DLGAP2: variants seen among roughly 807,000 people sequenced by gnomAD.
DLGAP2 encodes disks large-associated protein 2.
A neutral mutation model predicts 100.3 loss-of-function variants in DLGAP2; 26 were observed. The observed-to-expected ratio is 0.26, with a 90% CI of 0.19 to 0.36. The LOEUF (loss-of-function observed/expected upper bound fraction) is 0.36. DLGAP2 is among the 10% of genes least tolerant of loss of function. The probability of loss-of-function intolerance (pLI) is 1.00; values close to 1 mark genes in which losing one functional copy is unlikely to be tolerated. For missense variants in DLGAP2, 1,858 were observed against 1,453.2 expected, an observed-to-expected ratio of 1.28 and a Z score of -4.53; for synonymous variants, 886 against 630.1, an observed-to-expected ratio of 1.41 and a Z score of -6.08.
chr8:1,522,421 G>A (rs1480457591), intron 4 of DLGAP2, among the ~76,000 whole-genome samples: 2 of 152,190 alleles, frequency 1.3e-5, no homozygotes, highest in Non-Finnish European at 2.9e-5. Context: ...GGGGCCTGGG[G>A]GACCTCCTTT....
chr8:1,336,019 T>C (rs1030954692), intron 3 of DLGAP2, among the ~76,000 whole-genome samples: 1 of 152,000 alleles, frequency 6.6e-6, no homozygotes, highest in African/African-American at 2.4e-5. Context: ...AACATCACAA[T>C]ATAAAGAAAC....
intron 2 of DLGAP2, among the ~76,000 whole-genome samples, chr8:1,088,324 CAG>C (rs1303621687): frequency 6.6e-6 from 1 of 152,082 alleles, no homozygotes; most frequent in African/African-American, 2.4e-5. Flanking sequence ...AGGTGTGGGA[CAG>C]GGCACCAAGG....
At position 1,360,212 on chromosome 8, in the gene DLGAP2, TTCCGGGGCGGGGCTTC is replaced by T. The variant is rs1486465444; in HGVS notation, c.106+101380_106+101395del. Among the ~76,000 whole-genome samples the T allele has an allele frequency of 3.5e-3, 350 of 99,414 alleles. 5 individuals are homozygous for T. Among genetic ancestry groups the T allele is most frequent in the African/African-American group, 0.011 (270 of 24,032 alleles). The allele number at this position is 99,414 out of a possible 152,430, so 65.2% of individuals were successfully genotyped here. A position where few individuals can be genotyped will look rare whatever the true frequency, so the allele number is the denominator to read the frequency against. On this transcript the variant is annotated intron_variant, in intron 3 of 14. Transcript: ENST00000637795. ...CCGGGTGTGCTCAGGGGCGGGGCTT[TTCCGGGGCGGGGCTTC>T]TCCGGGGCGGGGCTTCTCCGGGGCG... is the stretch of plus-strand genomic sequence containing the variant.
intron 6 of DLGAP2, among the ~76,000 whole-genome samples, chr8:1,577,360 G>C (rs1367372488): frequency 1.3e-5 from 2 of 152,150 alleles, no homozygotes; most frequent in Non-Finnish European, 2.9e-5. Context: ...ACTGAGGTCA[G>C]GAGTTCGAGA....
chr8:1,478,394 T>G (rs1386806157), intron 3 of DLGAP2, among the ~76,000 whole-genome samples: 1 of 152,108 alleles, frequency 6.6e-6, no homozygotes, highest in Non-Finnish European at 1.5e-5. Flanking sequence ...TTTCTCAGAG[T>G]TTCCATGACA....
At chr8:1,378,602 A>C (rs1796019980) in intron 3 of DLGAP2, among the ~76,000 whole-genome samples, 1 of 151,518 alleles carries the variant, frequency 6.6e-6, no homozygotes, top group Non-Finnish European at 1.5e-5. Context: ...TCCTGCTCAC[A>C]CCTGGCCTCA....
At chr8:961,867 A>G (rs905848258) in intron 2 of DLGAP2, among the ~76,000 whole-genome samples, 6 of 152,198 alleles carry the variant, frequency 3.9e-5, no homozygotes, top group African/African-American at 1.2e-4. Context: ...CATGATGAGT[A>G]CTGGACTCGG....
intron 1 of DLGAP2, among the ~76,000 whole-genome samples, chr8:841,276 A>C (rs1042762009): frequency 6.6e-6 from 1 of 152,196 alleles, no homozygotes; most frequent in Non-Finnish European, 1.5e-5. Context: ...TGCATGGCGC[A>C]CGTTTGGCAT....
chr8:1,604,053 C>A (rs1311137990), intron 6 of DLGAP2, among the ~76,000 whole-genome samples: 2 of 152,118 alleles, frequency 1.3e-5, no homozygotes, highest in Admixed American at 6.5e-5. Context: ...CAAGACACAG[C>A]TGGGACAGAA....
In DLGAP2 at chr8:1,387,555, C is replaced by T. The variant is rs575001574; in HGVS notation, c.107-113811C>T. ...GTTGCACGGCAGTGAGTGTATCTGA[C>T]GCCACTGAACTGCACCACTGGACGT... is the stretch of plus-strand genomic sequence containing the variant. On this transcript the variant is annotated intron_variant, in intron 3 of 14. Transcript: ENST00000637795. Among the ~76,000 whole-genome samples the T allele has an allele frequency of 1.1e-4, 17 of 152,262 alleles. No individual in the cohort carries two copies. The South Asian group carries it at 2.3e-3, about 20-fold the overall frequency.
chr8:997,996 C>G (rs1443839556), intron 2 of DLGAP2, among the ~76,000 whole-genome samples: 1 of 150,100 alleles, frequency 6.7e-6, no homozygotes, highest in Admixed American at 7.0e-5. Flanking sequence ...AACACGTGCA[C>G]ACAAACATGC....
chr8:1,163,942 G>C (rs980845602), intron 2 of DLGAP2, among the ~76,000 whole-genome samples: 1 of 152,224 alleles, frequency 6.6e-6, no homozygotes, highest in Non-Finnish European at 1.5e-5. Flanking sequence ...TCCGGGTGAG[G>C]TGGTGGAGCC....
chr8:1,424,186 A>C (rs1463218734), intron 3 of DLGAP2, among the ~76,000 whole-genome samples: 1 of 152,238 alleles, frequency 6.6e-6, no homozygotes. Context: ...ACGCAAGTTG[A>C]GAGACCTCTA....
At chr8:918,403 T>G (rs1798639513) in intron 2 of DLGAP2, among the ~76,000 whole-genome samples, 1 of 152,368 alleles carries the variant, frequency 6.6e-6, no homozygotes, top group East Asian at 1.9e-4. Context: ...GTCGCTTAGA[T>G]GGGCTTTTAT....
intron 2 of DLGAP2, among the ~76,000 whole-genome samples, chr8:1,130,392 T>C (rs1796265304): frequency 6.6e-6 from 1 of 152,196 alleles, no homozygotes; most frequent in African/African-American, 2.4e-5. Flanking sequence ...GATATGACGA[T>C]TGACATTCAA....
At position 1,042,056 on chromosome 8, in the gene DLGAP2, G is replaced by C. The variant is rs554826841; in HGVS notation, c.73+134090G>C. On this transcript the variant is annotated intron_variant, in intron 2 of 14. Coordinates refer to ENST00000637795, the MANE Select transcript of DLGAP2 (RefSeq NM_001346810.2). ...CCTGATTTGCAGAGCAGAACGGCCA[G>C]GGAGTGTCTCTGGGCCGTGTCCTCA... Among the ~76,000 whole-genome samples, 4 of 152,328 alleles carry C rather than the reference G, an allele frequency of 2.6e-5. No homozygotes were observed. The South Asian group carries it at 6.2e-4, about 24-fold the overall frequency.
At chr8:964,364 G>A (rs1188149536) in intron 2 of DLGAP2, among the ~76,000 whole-genome samples, 2 of 152,224 alleles carry the variant, frequency 1.3e-5, no homozygotes, top group African/African-American at 2.4e-5. Flanking sequence ...CTGCTGCGAC[G>A]CAGTTGTCAC....
intron 4 of DLGAP2, among the ~76,000 whole-genome samples, chr8:1,523,630 G>A (rs1031717861): frequency 5.9e-5 from 9 of 152,200 alleles, no homozygotes; most frequent in African/African-American, 2.2e-4. Context: ...TGCAGGGCAG[G>A]GCTTTGGTGG....
chr8:1,535,741 G>A (rs972190438), intron 4 of DLGAP2, among the ~76,000 whole-genome samples: 1 of 152,242 alleles, frequency 6.6e-6, no homozygotes, highest in South Asian at 2.1e-4. Context: ...TGAGCTCTGA[G>A]CAGAATTCTC....
Sources: gnomAD v4.1 joint callset for allele counts (sites outside exome capture counted in the v4.1 genomes callset) on GRCh38, gnomAD v4.1.1 for gene constraint, MANE v1.5 for transcripts, NCBI Gene and HGNC (gene_info 2026-07-23, HGNC 2026-07-21) for gene names.